MAP3K9: variants seen among roughly 807,000 people sequenced by gnomAD.
MAP3K9 encodes mitogen-activated protein kinase kinase kinase 9, also known as mixed lineage kinase 1 (tyr and ser/thr specificity).
MAP3K9 carries 46 observed loss-of-function variants against 95.8 expected under a neutral mutation model. That is an observed-to-expected ratio of 0.48 (90% CI 0.38 to 0.61). MAP3K9 has a LOEUF of 0.61. Ranked by LOEUF, MAP3K9 falls within the 20% of genes least tolerant of loss-of-function variation. The pLI, the probability that MAP3K9 is intolerant of heterozygous loss-of-function variation, is 0.00. For missense variants in MAP3K9, 1,296 were observed against 1,474.3 expected (o/e 0.88, Z 1.98); for synonymous variants, 533 against 593.8 (o/e 0.90, Z 1.49).
intron 3 of MAP3K9, among the ~76,000 whole-genome samples, chr14:70,759,091 G>T (rs528002837): frequency 1.9e-4 from 29 of 152,192 alleles, no homozygotes; most frequent in Non-Finnish European, 3.8e-4. Flanking sequence ...GGAGTAGAAG[G>T]GGGAAGGATT....
At chr14:70,801,251 T>C (rs1330181799) in intron 1 of MAP3K9, among the ~76,000 whole-genome samples, 171 bp from the exon 2 acceptor site, 3 of 146,776 alleles carry the variant, frequency 2.0e-5, no homozygotes, top group African/African-American at 5.2e-5. Flanking sequence ...TCAACTTATT[T>C]TCCTTTGCAT....
intron 2 of MAP3K9, among the ~76,000 whole-genome samples, chr14:70,799,815 C>T (rs977385970): frequency 3.9e-5 from 6 of 152,184 alleles, no homozygotes; most frequent in African/African-American, 1.4e-4. Flanking sequence ...AGTCCTTCAA[C>T]TCAAATGCCC....
chr14:70,737,817 T>G (rs889129688), intron 8 of MAP3K9, among the ~76,000 whole-genome samples: 2 of 152,234 alleles, frequency 1.3e-5, no homozygotes, highest in African/African-American at 4.8e-5. Context: ...CTGCTTGGGC[T>G]ACTTGCTACT....
chr14:70,751,199 A>G (rs1233382194), intron 3 of MAP3K9, among the ~76,000 whole-genome samples: 7 of 152,234 alleles, frequency 4.6e-5, no homozygotes. Context: ...CCTGTGAGTC[A>G]GTGAATGTGG....
At chr14:70,755,113 G>A (rs2054281188) in intron 3 of MAP3K9, among the ~76,000 whole-genome samples, 1 of 152,338 alleles carries the variant, frequency 6.6e-6, no homozygotes. Context: ...CCCCAGCTCT[G>A]GATGAGTTCC....
Position 70,723,557 on chromosome 14 carries a change from C to T in MAP3K9, c.*6823G>A, listed in dbSNP as rs78918051. 0.019 allele frequency: 2,825 copies of T among 152,264 alleles called. 38 individuals are homozygous for T. Among genetic ancestry groups the T allele is most frequent in the Non-Finnish European group, 0.03 (2,049 of 68,024 alleles). 9.4% of individuals were successfully genotyped at this position (152,264 alleles called of 1,614,324 possible). On this transcript the variant is annotated 3_prime_UTR_variant, in exon 12 of 12. Coordinates refer to ENST00000554752, the MANE Select transcript of MAP3K9 (RefSeq NM_001284230.2). ...AGCTAGGCCAACTTTATCTCAAGAG[C>T]TTCTAAGTAGTGGCTTAGAAATGTG...
intron 9 of MAP3K9, 24 bp downstream of exon 9, chr14:70,735,937 T>G (rs2053979983): frequency 6.4e-7 from 1 of 1,556,630 alleles, no homozygotes; most frequent in Admixed American, 1.7e-5. Context: ...GGACAGCTGG[T>G]GAAAGGGTGA....
chr14:70,740,640 G>C (rs1037152788), intron 6 of MAP3K9, among the ~76,000 whole-genome samples: 3 of 152,196 alleles, frequency 2.0e-5, no homozygotes, highest in African/African-American at 7.2e-5. Flanking sequence ...GGGAACCTAG[G>C]GCAGTGAGGG....
intron 10 of MAP3K9, 30 bp from the exon 11 acceptor site, chr14:70,733,372 C>T: frequency 1.0e-6 from 1 of 1,000,916 alleles, no homozygotes; most frequent in Non-Finnish European, 1.5e-6. Context: ...GGAAGAGAAA[C>T]AGGAAATGGA....
chr14:70,787,332 C>A (rs2054757504), intron 2 of MAP3K9, among the ~76,000 whole-genome samples: 2 of 151,828 alleles, frequency 1.3e-5, no homozygotes, highest in Non-Finnish European at 2.9e-5. Context: ...CATAGTGAAA[C>A]CCCGTCTCTA....
chr14:70,800,466 C>T (rs1177196238), intron 2 of MAP3K9, among the ~76,000 whole-genome samples: 1 of 152,096 alleles, frequency 6.6e-6, no homozygotes. Flanking sequence ...CCAAACTCCT[C>T]AGGCGCCTCT....
Position 70,732,993 on chromosome 14 carries a change from T to G in MAP3K9, c.2376A>C (p.Lys792Asn). The G allele has an allele frequency of 6.2e-7, 1 of 1,614,108 alleles. No individual in the cohort carries two copies. The highest frequency in any genetic ancestry group is 8.5e-7 in the Non-Finnish European group (1 of 1,180,012). The change falls in exon 11 of 12, where the codon AAA becomes AAC. Residue 792 changes from lysine to asparagine, a missense_variant. Lys to Asn is a moderately conservative substitution (Grantham distance 94, BLOSUM62 0). This residue lies in a region of MAP3K9 where 433 missense variants were observed against 441.4 expected (regional missense o/e 0.98). Transcript: ENST00000554752. ...EPEPPAREEKKRREGLFQRSS... is the reference protein window; with the variant it reads ...EPEPPAREEKNRREGLFQRSS... The stretch of plus-strand genomic sequence containing the variant: ...ACCTCTGAAAAAGACCCTCCCGTCT[T>G]TTCTTCTCCTCCCGGGCTGGTGGCT...
chr14:70,795,773 T>C (rs2054857887), intron 2 of MAP3K9, among the ~76,000 whole-genome samples: 1 of 152,014 alleles, frequency 6.6e-6, no homozygotes, highest in African/African-American at 2.4e-5. Flanking sequence ...TTTTCTTTTT[T>C]TTTTTAACAG....
rs148644552 is a variant in MAP3K9 at position 70,732,764 on chromosome 14, C to T, written c.2605G>A (p.Ala869Thr). The change falls in exon 11 of 12, where the codon GCC (alanine) becomes ACC (threonine). Residue 869 changes from alanine (A) to threonine (T), a missense_variant. Physicochemically the swap from Ala to Thr is moderately conservative, Grantham distance 58 (BLOSUM62 0). Transcript: ENST00000554752. ...VYEMPVSPVE[A>T]PPLSPCTHNP... is the part of the protein sequence containing the mutation. ...TGGGTACATGGACTCAGGGGAGGGGCCTCGACTGGGCTGACTGGCATCTCA... is the reference window on the plus strand; with the variant it reads ...TGGGTACATGGACTCAGGGGAGGGGTCTCGACTGGGCTGACTGGCATCTCA... 7.0e-5 allele frequency: 113 copies of T among 1,612,482 alleles called. No homozygotes were observed. The East Asian group carries it at 2.5e-3, about 35-fold the overall frequency.
In MAP3K9 at chr14:70,761,054, C is replaced by T. The variant is rs200962207; in HGVS notation, c.949G>A (p.Ala317Thr). The T allele has an allele frequency of 1.2e-6, 2 of 1,613,952 alleles. No homozygotes were observed. The highest frequency in any genetic ancestry group is 1.7e-6 in the Non-Finnish European group (2 of 1,179,984). Residue 317 changes from alanine (A) to threonine (T), a missense_variant, in exon 3 of 12, where the codon GCA (alanine) becomes ACA (threonine). By Grantham distance (58) the Ala-to-Thr change is moderately conservative. Around this residue, in one of 5 missense-constraint regions of MAP3K9, gnomAD observed 136 missense variants for 221.5 expected, o/e 0.61. Coordinates refer to ENST00000554752, the MANE Select transcript of MAP3K9 (RefSeq NM_001284230.2). ...MSAAGTYAWM[A>T]PEVIRASMFS... is the part of the protein sequence containing the mutation. The stretch of plus-strand genomic sequence containing the variant: ...ATGGAGGCCCGGATGACTTCGGGTG[C>T]CATCCAAGCATACGTCCCTGCCGCA...
In MAP3K9 at chr14:70,742,284, C is replaced by T; in HGVS notation, c.1567+67G>A. On this transcript the variant is annotated intron_variant, in intron 6 of 11. Transcript: ENST00000554752. ...GTTTCCAAGCTCAGTCCCGGACTCC[C>T]TCAAACCCTCTGCCACACGAGTTCT... 5.1e-6 allele frequency: 8 copies of T among 1,572,828 alleles called. No individual in the cohort carries two copies. In the South Asian group the frequency reaches 9.5e-5, roughly 19 times the overall value.
chr14:70,808,831 C>A lies in MAP3K9; in HGVS notation c.341G>T (p.Arg114Leu), dbSNP rs1414509681. 1.3e-6 allele frequency: 2 copies of A among 1,596,440 alleles called. No homozygotes were observed. The highest frequency in any genetic ancestry group is 3.5e-5 in the Admixed American group (2 of 57,916). The change falls in exon 1 of 12, where the codon CGC (arginine) becomes CTC (leucine). Residue 114 changes from arginine to leucine, a missense_variant. By Grantham distance (102) the Arg-to-Leu change is moderately radical. Around this residue, in one of 5 missense-constraint regions of MAP3K9, gnomAD observed 338 missense variants for 363.4 expected, o/e 0.93. Transcript: ENST00000554752. Reference sequence around the variant, plus strand: ...CTGGCAGCGGCTGGAGAAGGCGCTGCGCGGGGTCACGTAGTTGCTGGGGAA... The same window carrying A: ...CTGGCAGCGGCTGGAGAAGGCGCTGAGCGGGGTCACGTAGTTGCTGGGGAA... ...GIFPSNYVTP[R>L]SAFSSRCQPG...
intron 2 of MAP3K9, among the ~76,000 whole-genome samples, chr14:70,771,817 C>G (rs953123869): frequency 2.0e-5 from 3 of 152,178 alleles, no homozygotes; most frequent in Admixed American, 6.5e-5. Flanking sequence ...CTGAGTGGCA[C>G]GTGAGATATT....
chr14:70,799,176 AT>A (rs10710031), intron 2 of MAP3K9, among the ~76,000 whole-genome samples: 34,847 of 151,522 alleles, frequency 0.23, 4,299 homozygotes, highest in South Asian at 0.38. Flanking sequence ...TACTTACATA[AT>A]TTTTTTTAAG....
Sources: gnomAD v4.1 joint callset for allele counts (sites outside exome capture counted in the v4.1 genomes callset) on GRCh38, gnomAD v4.1.1 for gene constraint, gnomAD v4.1.1 regional missense constraint, MANE v1.5 for transcripts, NCBI Gene and HGNC (gene_info 2026-07-23, HGNC 2026-07-21) for gene names.